GPATCH2: variants seen among roughly 807,000 people sequenced by gnomAD.
GPATCH2 encodes the protein G patch domain-containing protein 2.
A neutral mutation model predicts 58.0 loss-of-function variants in GPATCH2; 51 were observed. The ratio of observed to expected loss-of-function variants is 0.88; its 90% CI spans 0.70 to 1.11. The LOEUF is 1.11. Among genes scored for constraint, GPATCH2 ranks in the 50% most tolerant of loss-of-function variants. The probability of loss-of-function intolerance (pLI) is 0.00; values close to 1 mark genes in which losing one functional copy is unlikely to be tolerated. For synonymous variants in GPATCH2, 222 were observed against 218.5 expected, an observed-to-expected ratio of 1.02 and a Z score of -0.14; for missense variants, 625 against 652.2, an observed-to-expected ratio of 0.96 and a Z score of 0.45.
At chr1:217,436,071 A>C (rs1459626661) in intron 9 of GPATCH2, among the ~76,000 whole-genome samples, 1 of 152,120 alleles carries the variant, frequency 6.6e-6, no homozygotes, top group African/African-American at 2.4e-5. Context: ...AGAATAAAAG[A>C]CATGATCTGT....
intron 1 of GPATCH2, among the ~76,000 whole-genome samples, chr1:217,629,713 T>C (rs1179704186): frequency 6.6e-6 from 1 of 152,218 alleles, no homozygotes; most frequent in Non-Finnish European, 1.5e-5. Flanking sequence ...GTAAAAATTG[T>C]GCATTTCATT....
At chr1:217,517,935 T>C (rs1663249793) in intron 5 of GPATCH2, among the ~76,000 whole-genome samples, 1 of 152,288 alleles carries the variant, frequency 6.6e-6, no homozygotes, top group Admixed American at 6.5e-5. Context: ...CCAATTCTTA[T>C]AATTGACAAA....
intron 9 of GPATCH2, among the ~76,000 whole-genome samples, chr1:217,440,535 TA>T (rs748601294): frequency 2.4e-4 from 37 of 152,074 alleles, no homozygotes; most frequent in Middle Eastern, 3.4e-3. Context: ...GAGAAAGAAA[TA>T]AGGGTATTCA....
At chr1:217,545,988 A>G (rs957033090) in intron 5 of GPATCH2, among the ~76,000 whole-genome samples, 4 of 152,212 alleles carry the variant, frequency 2.6e-5, no homozygotes, top group Non-Finnish European at 5.9e-5. Flanking sequence ...ATATCTGCCA[A>G]CTACTATGTT....
intron 6 of GPATCH2, among the ~76,000 whole-genome samples, chr1:217,504,666 C>A (rs1230898560): frequency 6.6e-6 from 1 of 152,178 alleles, no homozygotes; most frequent in Non-Finnish European, 1.5e-5. Context: ...ACACAGCTAG[C>A]AAGTACTGGA....
chr1:217,440,383 T>C lies in GPATCH2; in HGVS notation c.1366+8866A>G, dbSNP rs1659077167. 2.0e-5 allele frequency among the ~76,000 whole-genome samples: 3 copies of C among 152,282 alleles called. No homozygotes were observed. The South Asian group carries it at 6.2e-4, about 32-fold the overall frequency. On this transcript the variant is annotated intron_variant, in intron 9 of 9. Transcript: ENST00000366935. ...ATCTTAAAATAATCAGAGCTATTTA[T>C]GACAAACCCACAGCCAATATCATAC...
chr1:217,608,571 T>C (rs755290075), intron 5 of GPATCH2: 3 of 985,154 alleles, frequency 3.0e-6, no homozygotes, highest in Admixed American at 6.2e-5. Context: ...ATCCCAGCTA[T>C]GCTCAAGCAA....
chr1:217,427,613 AT>A lies in GPATCH2; in HGVS notation c.*3531del, dbSNP rs1434548124. ...CTACCAAAAGAAAAAATAAAAAAAAATATTCTTTGCTAACAATTTCTTTACA... is the reference window on the plus strand; with the variant it reads ...CTACCAAAAGAAAAAATAAAAAAAAAATTCTTTGCTAACAATTTCTTTACA... On this transcript the variant is annotated 3_prime_UTR_variant, in exon 10 of 10. Coordinates refer to ENST00000366935, the MANE Select transcript of GPATCH2 (RefSeq NM_018040.5). 4 of 151,992 alleles carry A rather than the reference AT, an allele frequency of 2.6e-5. No homozygotes were observed. The highest frequency in any genetic ancestry group is 9.7e-5 in the African/African-American group (4 of 41,372). The allele number at this position is 151,992 out of a possible 1,614,324, so 9.4% of individuals were successfully genotyped here. A position where few individuals can be genotyped will look rare whatever the true frequency, so the allele number is the denominator to read the frequency against.
chr1:217,477,895 G>A (rs1661036210), intron 8 of GPATCH2, among the ~76,000 whole-genome samples: 1 of 152,134 alleles, frequency 6.6e-6, no homozygotes, highest in African/African-American at 2.4e-5. Context: ...AGCCCTTCTG[G>A]TGGTGTTCAA....
intron 6 of GPATCH2, among the ~76,000 whole-genome samples, chr1:217,507,299 A>G (rs1258684424): frequency 6.6e-6 from 1 of 152,218 alleles, no homozygotes; most frequent in African/African-American, 2.4e-5. Context: ...CCAGGATGCT[A>G]ACGGTATTCC....
chr1:217,493,747 T>TA lies in GPATCH2; in HGVS notation c.1207-1998dup, dbSNP rs532384402. Among the ~76,000 whole-genome samples, 55 of 152,280 alleles carry TA rather than the reference T, an allele frequency of 3.6e-4. 1 individual carries two copies. Among genetic ancestry groups the TA allele is most frequent in the African/African-American group, 1.2e-3 (49 of 41,562 alleles). Reference sequence around the variant, plus strand: ...TGGCATTTCTAAGTCTAGTGCCTTTTAAAAAATATATATACAAACCAACAT... The same window carrying TA: ...TGGCATTTCTAAGTCTAGTGCCTTTTAAAAAAATATATATACAAACCAACAT... On this transcript the variant is annotated intron_variant, in intron 7 of 9. Coordinates refer to ENST00000366935, the MANE Select transcript of GPATCH2 (RefSeq NM_018040.5).
intron 5 of GPATCH2, among the ~76,000 whole-genome samples, chr1:217,547,052 C>A (rs1665089885): frequency 6.6e-6 from 1 of 152,242 alleles, no homozygotes; most frequent in Middle Eastern, 3.4e-3. Flanking sequence ...GATACTATCT[C>A]ACACCAGTCA....
intron 5 of GPATCH2, among the ~76,000 whole-genome samples, chr1:217,596,479 C>G (rs1192036661): frequency 6.6e-6 from 1 of 151,936 alleles, no homozygotes; most frequent in African/African-American, 2.4e-5. Context: ...TAATATTGAC[C>G]TAATTAGGCT....
chr1:217,482,226 T>A (rs1661244847), intron 8 of GPATCH2, among the ~76,000 whole-genome samples: 1 of 152,208 alleles, frequency 6.6e-6, no homozygotes, highest in African/African-American at 2.4e-5. Context: ...AACAAACATT[T>A]ATTGCCTAAT....
intron 8 of GPATCH2, among the ~76,000 whole-genome samples, chr1:217,462,819 A>G (rs1256754959): frequency 1.3e-5 from 2 of 152,204 alleles, no homozygotes; most frequent in Non-Finnish European, 2.9e-5. Flanking sequence ...CACAGCAGTT[A>G]AGAGTGTGGA....
chr1:217,608,885 C>A, intron 5 of GPATCH2: 1 of 982,982 alleles, frequency 1.0e-6, no homozygotes, highest in Non-Finnish European at 1.2e-6. Flanking sequence ...TTTTTAATCT[C>A]TCCAAATTAG....
chr1:217,517,398 G>A (rs916364700), intron 5 of GPATCH2, among the ~76,000 whole-genome samples: 1 of 151,944 alleles, frequency 6.6e-6, no homozygotes, highest in Non-Finnish European at 1.5e-5. Flanking sequence ...TTCTTACAAT[G>A]AGAACCTTTT....
chr1:217,501,123 T>C (rs919022788), intron 6 of GPATCH2, among the ~76,000 whole-genome samples: 1 of 152,140 alleles, frequency 6.6e-6, no homozygotes, highest in Admixed American at 6.6e-5. Context: ...ATTGAATCCC[T>C]GTTAACCCAC....
At position 217,543,576 on chromosome 1, in the gene GPATCH2, T is replaced by C. The variant is rs558357388; in HGVS notation, c.1099-28687A>G. On this transcript the variant is annotated intron_variant, in intron 5 of 9. Transcript: ENST00000366935. ...GAGCCACCACACCTGGCCAGGAATG[T>C]TTTAAATCTGCTCCATGCCTCAGTT... is the stretch of plus-strand genomic sequence containing the variant. 2.6e-5 allele frequency among the ~76,000 whole-genome samples: 4 copies of C among 152,202 alleles called. No individual in the cohort carries two copies. The South Asian group carries it at 8.3e-4, about 32-fold the overall frequency.
Sources: gnomAD v4.1 joint callset for allele counts (sites outside exome capture counted in the v4.1 genomes callset) on GRCh38, gnomAD v4.1.1 for gene constraint, MANE v1.5 for transcripts, NCBI Gene and HGNC (gene_info 2026-07-23, HGNC 2026-07-21) for gene names.